Variants in ADGRL2 observed in about 807,000 individuals in gnomAD.
The protein encoded by ADGRL2 is calcium-independent alpha-latrotoxin receptor 2.
A neutral mutation model predicts 157.4 loss-of-function variants in ADGRL2; 44 were observed. That is an observed-to-expected ratio of 0.28 (90% CI 0.22 to 0.36). The LOEUF (loss-of-function observed/expected upper bound fraction) is 0.36. Among genes scored for constraint, ADGRL2 ranks in the 10% least tolerant of loss-of-function variants. The pLI is 1.00. For missense variants in ADGRL2, 1,510 were observed against 1,768.9 expected (o/e 0.85, Z 2.63); for synonymous variants, 585 against 624.7 (o/e 0.94, Z 0.95).
chr1:81,905,949 T>TGTGC (rs1362961165), intron 2 of ADGRL2, among the ~76,000 whole-genome samples: 2 of 92,934 alleles, frequency 2.2e-5, no homozygotes, highest in African/African-American at 8.0e-5. Context: ...AAAAGCAGAG[T>TGTGC]GTGTGTGTGT....
chr1:81,872,000 C>T (rs1214542609), intron 2 of ADGRL2, among the ~76,000 whole-genome samples: 5 of 152,022 alleles, frequency 3.3e-5, no homozygotes, highest in East Asian at 1.9e-4. Flanking sequence ...ACATGAAGTC[C>T]TTGCCCATGC....
At chr1:81,464,065 T>C (rs1003389018) in intron 2 of ADGRL2, among the ~76,000 whole-genome samples, 1 of 152,126 alleles carries the variant, frequency 6.6e-6, no homozygotes, top group Admixed American at 6.6e-5. Flanking sequence ...CATCATCATG[T>C]TAGTAGTATG....
At chr1:81,497,304 A>G (rs2078751566) in intron 2 of ADGRL2, among the ~76,000 whole-genome samples, 1 of 152,214 alleles carries the variant, frequency 6.6e-6, no homozygotes, top group South Asian at 2.1e-4. Context: ...GAAATGCAAG[A>G]GGTTTCTTTG....
intron 1 of ADGRL2, among the ~76,000 whole-genome samples, chr1:81,343,007 C>A (rs1050675019): frequency 6.6e-6 from 1 of 151,658 alleles, no homozygotes. Context: ...TTAATGTATA[C>A]GTAAAGAATA....
At chr1:81,800,335 G>A (rs1056806515), upstream of ADGRL2, 4 of 152,148 alleles carry the variant, frequency 2.6e-5, no homozygotes, top group Non-Finnish European at 2.9e-5. Context: ...GAAATCTCAG[G>A]TATCAAAGAC....
chr1:81,725,455 T>C (rs1287071660), intron 1 of ADGRL2, among the ~76,000 whole-genome samples: 3 of 150,930 alleles, frequency 2.0e-5, no homozygotes, highest in African/African-American at 7.3e-5. Context: ...AGGAGAGTTA[T>C]TTGAACTCGG....
chr1:81,678,902 A>G (rs1008651112), intron 3 of ADGRL2, among the ~76,000 whole-genome samples: 1 of 152,216 alleles, frequency 6.6e-6, no homozygotes, highest in East Asian at 1.9e-4. Context: ...TAGTGCTGAC[A>G]GTGAATAAAT....
chr1:81,477,599 C>T (rs1257795068), intron 2 of ADGRL2, among the ~76,000 whole-genome samples: 1 of 152,092 alleles, frequency 6.6e-6, no homozygotes. Context: ...CACAATATGC[C>T]CTGGCACTCC....
chr1:81,391,306 G>A (rs552717541), intron 1 of ADGRL2, among the ~76,000 whole-genome samples: 1 of 152,420 alleles, frequency 6.6e-6, no homozygotes, highest in Admixed American at 6.5e-5. Context: ...AACATCAATT[G>A]CAACACCACT....
intron 3 of ADGRL2, among the ~76,000 whole-genome samples, chr1:81,587,319 T>C (rs2081047467): frequency 6.6e-6 from 1 of 152,114 alleles, no homozygotes; most frequent in African/African-American, 2.4e-5. Flanking sequence ...AGGGAGTTAT[T>C]AATACCTCTT....
intron 3 of ADGRL2, among the ~76,000 whole-genome samples, chr1:81,602,231 G>A (rs2081346292): frequency 6.6e-6 from 1 of 152,114 alleles, no homozygotes; most frequent in Non-Finnish European, 1.5e-5. Flanking sequence ...AGGCTGAGGT[G>A]GGTGGATCGC....
intron 3 of ADGRL2, among the ~76,000 whole-genome samples, chr1:81,587,278 G>A (rs1328002772): frequency 6.6e-6 from 1 of 152,034 alleles, no homozygotes; most frequent in African/African-American, 2.4e-5. Context: ...CATAATACAA[G>A]TGTGTACTTA....
At chr1:81,707,557 C>T (rs2083778361) in intron 1 of ADGRL2, among the ~76,000 whole-genome samples, 1 of 152,170 alleles carries the variant, frequency 6.6e-6, no homozygotes, top group Admixed American at 6.5e-5. Flanking sequence ...AGTCTCCCTA[C>T]CTTATTAGGC....
At chr1:81,812,352 AG>A (rs2089961814) in intron 1 of ADGRL2, among the ~76,000 whole-genome samples, 1 of 151,804 alleles carries the variant, frequency 6.6e-6, no homozygotes, top group Non-Finnish European at 1.5e-5. Flanking sequence ...TTTTGAGATG[AG>A]CCAAATTATA....
intron 8 of ADGRL2, among the ~76,000 whole-genome samples, chr1:81,951,577 G>A (rs1180334364): frequency 6.6e-6 from 1 of 151,874 alleles, no homozygotes; most frequent in Admixed American, 6.6e-5. Flanking sequence ...CCTTTATGAC[G>A]AATAAACATC....
intron 1 of ADGRL2, among the ~76,000 whole-genome samples, chr1:81,385,249 C>T (rs535048560): frequency 1.3e-5 from 2 of 152,150 alleles, no homozygotes; most frequent in East Asian, 1.9e-4. Flanking sequence ...ATACAGCTTT[C>T]GGGGCTTGGT....
intron 2 of ADGRL2, among the ~76,000 whole-genome samples, chr1:81,454,036 G>T (rs752849925): frequency 6.6e-6 from 1 of 152,096 alleles, no homozygotes; most frequent in East Asian, 1.9e-4. Flanking sequence ...TTAAGGTGCC[G>T]GCAAATAATG....
intron 2 of ADGRL2, chr1:81,513,785 C>T (rs1477340832): frequency 6.6e-6 from 1 of 152,156 alleles, no homozygotes; most frequent in Non-Finnish European, 1.5e-5. Context: ...AGACTCCTAA[C>T]CTGGAAGAGG....
intron 2 of ADGRL2, among the ~76,000 whole-genome samples, chr1:81,891,237 A>G: frequency 6.6e-6 from 1 of 151,738 alleles, no homozygotes; most frequent in Middle Eastern, 3.4e-3. Context: ...ATTCTATTAC[A>G]TTGTTTTATG....
Sources: gnomAD v4.1 joint callset for allele counts (sites outside exome capture counted in the v4.1 genomes callset) on GRCh38, gnomAD v4.1.1 for gene constraint, MANE v1.5 for transcripts, NCBI Gene and HGNC (gene_info 2026-07-23, HGNC 2026-07-21) for gene names.